Variants in DDX31 observed in about 807,000 individuals in gnomAD.
DDX31 encodes ATP-dependent DNA helicase DDX31.
Under a neutral mutation model 91.3 loss-of-function variants are expected in DDX31, and 70 were observed. The observed-to-expected ratio is 0.77, with a 90% CI of 0.63 to 0.94. The LOEUF (loss-of-function observed/expected upper bound fraction) is 0.94, where lower values mean the gene tolerates loss of function less well. Among genes scored for constraint, DDX31 ranks in the 40% least tolerant of loss-of-function variants. The pLI, the probability that DDX31 is intolerant of heterozygous loss-of-function variation, is 0.00. For synonymous variants in DDX31, 362 were observed against 350.6 expected (o/e 1.03, Z -0.36); for missense variants, 902 against 925.0 (o/e 0.98, Z 0.32).
At chr9:132,602,742 T>G (rs1830787450) in intron 19 of DDX31, among the ~76,000 whole-genome samples, 1 of 152,204 alleles carries the variant, frequency 6.6e-6, no homozygotes, top group South Asian at 2.1e-4. Flanking sequence ...TTTATTCACT[T>G]ACAAAAGCTA....
intron 13 of DDX31, among the ~76,000 whole-genome samples, chr9:132,644,152 C>A (rs969574210): frequency 6.6e-6 from 1 of 152,162 alleles, no homozygotes; most frequent in Non-Finnish European, 1.5e-5. Flanking sequence ...AAAGAAAACA[C>A]AGGGATACTA....
At chr9:132,614,783 T>C (rs1453434127) in intron 18 of DDX31, among the ~76,000 whole-genome samples, 1 of 152,070 alleles carries the variant, frequency 6.6e-6, no homozygotes, top group Non-Finnish European at 1.5e-5. Flanking sequence ...TGGCAGGAAG[T>C]GTTTTCTCCC....
At chr9:132,661,304 A>G in intron 3 of DDX31, 53 bp from the exon 4 acceptor site, 1 of 1,377,194 alleles carries the variant, frequency 7.3e-7, no homozygotes, top group Non-Finnish European at 1.0e-6. Context: ...AAAATATTTA[A>G]CGGAAATTAC....
chr9:132,638,939 C>T (rs940256287), intron 14 of DDX31, among the ~76,000 whole-genome samples: 1 of 152,098 alleles, frequency 6.6e-6, no homozygotes, highest in Non-Finnish European at 1.5e-5. Context: ...GCAAAAGGCA[C>T]AGTATAAAGG....
intron 14 of DDX31, among the ~76,000 whole-genome samples, chr9:132,632,297 C>G (rs973706977): frequency 5.3e-5 from 7 of 132,326 alleles, no homozygotes; most frequent in Admixed American, 3.2e-4. Flanking sequence ...CACACACACA[C>G]AGTCCTGCAT....
intron 19 of DDX31, among the ~76,000 whole-genome samples, chr9:132,608,172 G>C (rs1831126746): frequency 6.6e-6 from 1 of 152,168 alleles, no homozygotes; most frequent in Non-Finnish European, 1.5e-5. Context: ...GTTGCTAAGG[G>C]GCCATTCAAT....
At chr9:132,609,575 G>T (rs1831209964) in intron 19 of DDX31, among the ~76,000 whole-genome samples, 1 of 152,138 alleles carries the variant, frequency 6.6e-6, no homozygotes, top group African/African-American at 2.4e-5. Flanking sequence ...TGAAATCTTG[G>T]GATTGCATTT....
At position 132,646,209 on chromosome 9, in the gene DDX31, A is replaced by G. The variant is rs185706207; in HGVS notation, c.1204-138T>C. On this transcript the variant is annotated intron_variant, in intron 12 of 19. Coordinates refer to ENST00000372159, the MANE Select transcript of DDX31 (RefSeq NM_022779.9). ...GACTATCTTTGAATTATTTAAAAAAACAAAAACAAAAACAGTGATACTCCA... is the reference window on the plus strand; with the variant it reads ...GACTATCTTTGAATTATTTAAAAAAGCAAAAACAAAAACAGTGATACTCCA... 1,977 of 872,510 alleles carry G rather than the reference A, an allele frequency of 2.3e-3. 9 individuals are homozygous for G. The highest frequency in any genetic ancestry group is 0.013 in the Middle Eastern group (38 of 2,914). The allele number at this position is 872,510 out of a possible 1,614,324, so 54.0% of individuals were successfully genotyped here.
chr9:132,659,895 T>C (rs1237524248), intron 4 of DDX31, 115 bp from the exon 5 acceptor site: 2 of 878,680 alleles, frequency 2.3e-6, no homozygotes, highest in Non-Finnish European at 3.6e-6. Flanking sequence ...AACTGCCTCC[T>C]TAGAAGCTAT....
intron 6 of DDX31, among the ~76,000 whole-genome samples, chr9:132,654,426 C>G (rs1389493931): frequency 3.3e-5 from 5 of 152,050 alleles, no homozygotes; most frequent in Admixed American, 6.6e-5. Flanking sequence ...GCCTGGCCAA[C>G]ATGGTGAAAC....
intron 6 of DDX31, 65 bp from the exon 7 acceptor site, chr9:132,652,557 G>C: frequency 6.3e-7 from 1 of 1,595,292 alleles, no homozygotes; most frequent in Non-Finnish European, 8.6e-7. Context: ...AAACGGACAG[G>C]ACACAGGGGT....
At chr9:132,656,346 T>C (rs1319537705) in intron 6 of DDX31, among the ~76,000 whole-genome samples, 1 of 152,228 alleles carries the variant, frequency 6.6e-6, no homozygotes, top group Non-Finnish European at 1.5e-5. Context: ...CAGTCTTTAA[T>C]AGAATGACCG....
intron 13 of DDX31, among the ~76,000 whole-genome samples, 186 bp from the exon 14 acceptor site, chr9:132,642,249 C>T (rs1012719249): frequency 3.6e-4 from 54 of 152,108 alleles, no homozygotes; most frequent in African/African-American, 5.3e-4. Flanking sequence ...CTTACAGGAC[C>T]GGACTTGAGG....
rs1045472568 is a variant in DDX31, at chr9:132,662,172, T to C, written c.408+89A>G. 21 of 1,267,014 alleles carry C rather than the reference T, an allele frequency of 1.7e-5. No homozygotes were observed. In the African/African-American group the frequency reaches 2.4e-4, roughly 15 times the overall value. The allele number at this position is 1,267,014 out of a possible 1,614,324, so 78.5% of individuals were successfully genotyped here. A position where few individuals can be genotyped will look rare whatever the true frequency, so the allele number is the denominator to read the frequency against. ...GAGCAGAAACAAACACTCTCTGATC[T>C]CTCCTCCTAGAGCGGCCATTTCACA... On this transcript the variant is annotated intron_variant, in intron 3 of 19. Transcript: ENST00000372159.
chr9:132,626,209 G>A (rs1832381420), intron 16 of DDX31, among the ~76,000 whole-genome samples: 1 of 152,042 alleles, frequency 6.6e-6, no homozygotes, highest in African/African-American at 2.4e-5. Context: ...CCCTGTGAGG[G>A]TAACGAGGGC....
intron 17 of DDX31, among the ~76,000 whole-genome samples, chr9:132,621,421 C>T (rs1028131468): frequency 6.6e-6 from 1 of 152,180 alleles, no homozygotes. Flanking sequence ...TGAACATTCA[C>T]ACACCCAGAC....
At chr9:132,649,550 G>C (rs1483283358) in intron 9 of DDX31, among the ~76,000 whole-genome samples, 1 of 152,174 alleles carries the variant, frequency 6.6e-6, no homozygotes, top group Non-Finnish European at 1.5e-5. Flanking sequence ...TCTTAAATGT[G>C]AAAGAAAAAT....
At chr9:132,656,248 T>C (rs542613234) in intron 6 of DDX31, among the ~76,000 whole-genome samples, 2 of 152,204 alleles carry the variant, frequency 1.3e-5, no homozygotes, top group Non-Finnish European at 2.9e-5. Flanking sequence ...GTCAAATCAT[T>C]TTACAATGAA....
intron 18 of DDX31, 48 bp downstream of exon 18, chr9:132,618,282 C>T (rs1037042736): frequency 2.2e-5 from 33 of 1,510,806 alleles, no homozygotes; most frequent in Non-Finnish European, 3.0e-5. Context: ...TGGGGGAGAG[C>T]ACTCTGCTGG....
Sources: gnomAD v4.1 joint callset for allele counts (sites outside exome capture counted in the v4.1 genomes callset) on GRCh38, gnomAD v4.1.1 for gene constraint, MANE v1.5 for transcripts, NCBI Gene and HGNC (gene_info 2026-07-23, HGNC 2026-07-21) for gene names.